The following TBC1D8 variants were observed in gnomAD, a reference collection of about 807,000 sequenced individuals.
TBC1D8 encodes TBC1 domain family member 8.
TBC1D8 carries 65 observed loss-of-function variants against 118.8 expected under a neutral mutation model. The ratio of observed to expected loss-of-function variants is 0.55; its 90% CI spans 0.45 to 0.67. The LOEUF is 0.67. TBC1D8 is among the 30% of genes least tolerant of loss of function. The pLI is 0.00. For synonymous variants in TBC1D8, 566 were observed against 595.8 expected (o/e 0.95, Z 0.73); for missense variants, 1,376 against 1,471.2 (o/e 0.94, Z 1.06).
Position 101,066,577 on chromosome 2 carries a change from T to G in TBC1D8, c.284-7038A>C, listed in dbSNP as rs140685066. On this transcript the variant is annotated intron_variant, in intron 2 of 19. Transcript: ENST00000409318. ...ATGTACAGACATACCTCAAAAATATTATGGGTTCAGTTCCAGACCCATGAA... is the reference window on the plus strand; with the variant it reads ...ATGTACAGACATACCTCAAAAATATGATGGGTTCAGTTCCAGACCCATGAA... Among the ~76,000 whole-genome samples, 1,056 of 152,328 alleles carry G rather than the reference T, an allele frequency of 6.9e-3. 8 individuals carry two copies. The highest frequency in any genetic ancestry group is 0.012 in the Non-Finnish European group (789 of 68,034).
At chr2:101,069,413 C>A (rs1365471953) in intron 2 of TBC1D8, among the ~76,000 whole-genome samples, 1 of 151,984 alleles carries the variant, frequency 6.6e-6, no homozygotes, top group African/African-American at 2.4e-5. Flanking sequence ...ATGGAGAAAT[C>A]CCGTCTCTAC....
rs753134705 is a variant in TBC1D8 at position 101,007,600 on chromosome 2, A to T, written c.*221T>A. The T allele has an allele frequency of 3.5e-5, 19 of 541,114 alleles. No homozygotes were observed. The highest frequency in any genetic ancestry group is 3.4e-4 in the African/African-American group (18 of 52,980). 33.5% of individuals were successfully genotyped at this position (541,114 alleles called of 1,614,324 possible). A position where few individuals can be genotyped will look rare whatever the true frequency, so the allele number is the denominator to read the frequency against. On this transcript the variant is annotated 3_prime_UTR_variant, in exon 20 of 20. Coordinates refer to ENST00000409318, the MANE Select transcript of TBC1D8 (RefSeq NM_001330348.2). ...AATCCGGTAAAAATTGTAAGTTGGC[A>T]TCAAGGGAACCAATGGATACCTTAG...
intron 2 of TBC1D8, among the ~76,000 whole-genome samples, chr2:101,061,178 ACT>A (rs1424834916): frequency 8.9e-6 from 1 of 112,478 alleles, no homozygotes; most frequent in Non-Finnish European, 1.7e-5. Context: ...ACAGAGCAAG[ACT>A]CTGTCTCAAA....
Position 101,007,726 on chromosome 2 carries a change from T to C in TBC1D8, c.*95A>G, listed in dbSNP as rs1277266323. On this transcript the variant is annotated 3_prime_UTR_variant, in exon 20 of 20. Coordinates refer to ENST00000409318, the MANE Select transcript of TBC1D8 (RefSeq NM_001330348.2). ...TTAGCCAGATGCCCCATTGGTAAGGTAGACTGAAATCTCGGTTTAGGGCTG... is the reference window on the plus strand; with the variant it reads ...TTAGCCAGATGCCCCATTGGTAAGGCAGACTGAAATCTCGGTTTAGGGCTG... The C allele has an allele frequency of 2.3e-6, 3 of 1,302,416 alleles. No individual in the cohort carries two copies. The highest frequency in any genetic ancestry group is 3.2e-6 in the Non-Finnish European group (3 of 936,388). 80.7% of individuals were successfully genotyped at this position (1,302,416 alleles called of 1,614,324 possible).
At position 101,085,620 on chromosome 2, in the gene TBC1D8, C is replaced by T. The variant is rs114034209; in HGVS notation, c.283+4589G>A. 7.7e-3 allele frequency among the ~76,000 whole-genome samples: 1,165 copies of T among 152,166 alleles called. 13 individuals are homozygous for T. The highest frequency in any genetic ancestry group is 0.027 in the African/African-American group (1,103 of 41,498). On this transcript the variant is annotated intron_variant, in intron 2 of 19. Transcript: ENST00000409318. ...ACAGCACTGCAAACAAGCAAACACT[C>T]GACTGCTAAAGAAAATGAATGGATG...
At chr2:101,027,258 G>A (rs1680389719) in intron 15 of TBC1D8, 125 bp downstream of exon 15, 1 of 787,134 alleles carries the variant, frequency 1.3e-6, no homozygotes, top group East Asian at 2.7e-5. Flanking sequence ...CTTCAAGGGG[G>A]GCAGCTCCGG....
chr2:101,143,222 C>T (rs1473269825), intron 1 of TBC1D8, among the ~76,000 whole-genome samples: 1 of 151,756 alleles, frequency 6.6e-6, no homozygotes, highest in East Asian at 1.9e-4. Flanking sequence ...GCCACCACAC[C>T]CAGCTTAGTT....
intron 1 of TBC1D8, among the ~76,000 whole-genome samples, chr2:101,124,545 G>A (rs569469233): frequency 5.9e-5 from 9 of 152,320 alleles, no homozygotes; most frequent in African/African-American, 2.2e-4. Flanking sequence ...GCTGGCTGAG[G>A]AGATGTGGCA....
chr2:101,102,337 C>T (rs1676896122), intron 1 of TBC1D8, among the ~76,000 whole-genome samples: 1 of 151,872 alleles, frequency 6.6e-6, no homozygotes, highest in African/African-American at 2.4e-5. Context: ...GCCTGTAATC[C>T]CAGTTACTCA....
At chr2:101,091,266 CA>C (rs1676017104) in intron 1 of TBC1D8, among the ~76,000 whole-genome samples, 1 of 152,098 alleles carries the variant, frequency 6.6e-6, no homozygotes, top group Non-Finnish European at 1.5e-5. Context: ...GCCTGGGCAA[CA>C]AGAGCGAAAC....
At position 101,128,425 on chromosome 2, in the gene TBC1D8, G is replaced by A. The variant is rs543936956; in HGVS notation, c.127+22702C>T. Among the ~76,000 whole-genome samples the A allele has an allele frequency of 1.6e-4, 25 of 152,324 alleles. No homozygotes were observed. The South Asian group carries it at 3.1e-3, about 19-fold the overall frequency. On this transcript the variant is annotated intron_variant, in intron 1 of 19. Transcript: ENST00000409318. The stretch of plus-strand genomic sequence containing the variant: ...CAGGCTTAGGGTACTCAGGAAGCCA[G>A]GGGCCCATGACTGGGGCCTCAGCCC...
chr2:101,079,390 A>G (rs978756505), intron 2 of TBC1D8, among the ~76,000 whole-genome samples: 1 of 152,100 alleles, frequency 6.6e-6, no homozygotes, highest in Non-Finnish European at 1.5e-5. Flanking sequence ...GGTTTTATTC[A>G]TGTATTTATT....
chr2:101,138,018 T>A (rs1278980482), intron 1 of TBC1D8, among the ~76,000 whole-genome samples: 2 of 152,206 alleles, frequency 1.3e-5, no homozygotes, highest in African/African-American at 4.8e-5. Flanking sequence ...CAGGGAGTTT[T>A]CACTCATGGC....
At chr2:101,049,053 G>A (rs1052550357) in intron 5 of TBC1D8, among the ~76,000 whole-genome samples, 1 of 152,086 alleles carries the variant, frequency 6.6e-6, no homozygotes, top group African/African-American at 2.4e-5. Context: ...TATGAATAAT[G>A]CTGCTGCAAA....
At chr2:101,035,967 T>C (rs536217235) in intron 9 of TBC1D8, 51 bp downstream of exon 9, 1 of 1,604,972 alleles carries the variant, frequency 6.2e-7, no homozygotes, top group East Asian at 2.2e-5. Flanking sequence ...GGGCTGTTCC[T>C]GTGTCCATGA....
intron 2 of TBC1D8, among the ~76,000 whole-genome samples, chr2:101,061,616 C>T (rs1180293792): frequency 2.6e-5 from 4 of 152,140 alleles, no homozygotes; most frequent in Non-Finnish European, 5.9e-5. Context: ...ATGACTTCCC[C>T]GGTCCCTACA....
At chr2:101,146,051 A>G (rs1044126940) in intron 1 of TBC1D8, among the ~76,000 whole-genome samples, 1 of 85,806 alleles carries the variant, frequency 1.2e-5, no homozygotes, top group African/African-American at 5.9e-5. Context: ...CTTGATGTAT[A>G]CTGTTTATTA....
chr2:101,059,201 C>A (rs1342072038), intron 3 of TBC1D8, among the ~76,000 whole-genome samples: 2 of 139,546 alleles, frequency 1.4e-5, no homozygotes, highest in Admixed American at 8.1e-5. Context: ...GCCACCGTGC[C>A]CAGCCAAGTC....
At chr2:101,133,463 T>C (rs1678691505) in intron 1 of TBC1D8, among the ~76,000 whole-genome samples, 1 of 152,222 alleles carries the variant, frequency 6.6e-6, no homozygotes, top group South Asian at 2.1e-4. Context: ...AAATCTCCAC[T>C]ACCTGGATAG....
Sources: allele counts gnomAD v4.1 joint callset (sites outside exome capture counted in the v4.1 genomes callset), GRCh38; gene constraint gnomAD v4.1.1; transcripts MANE v1.5; gene names NCBI Gene and HGNC (gene_info 2026-07-23, HGNC 2026-07-21).